SCMH1: variants seen among roughly 807,000 people sequenced by gnomAD.
SCMH1 encodes the protein polycomb protein SCMH1.
A neutral mutation model predicts 70.8 loss-of-function variants in SCMH1; 37 were observed. That is an observed-to-expected ratio of 0.52 (90% CI 0.40 to 0.69). The LOEUF is 0.69. Ranked by LOEUF, SCMH1 falls within the 30% of genes least tolerant of loss-of-function variation. SCMH1 has a pLI of 0.00. For missense variants in SCMH1, 607 were observed against 827.3 expected (o/e 0.73, Z 3.27); for synonymous variants, 292 against 307.4 (o/e 0.95, Z 0.52).
intron 8 of SCMH1, chr1:41,098,937 T>G: frequency 3.8e-6 from 1 of 262,236 alleles, no homozygotes; most frequent in Non-Finnish European, 7.4e-6. Context: ...GGGTCAGCCA[T>G]GAAGAAGATA....
chr1:41,049,720 T>C (rs890289785), intron 10 of SCMH1, among the ~76,000 whole-genome samples: 14 of 149,654 alleles, frequency 9.4e-5, no homozygotes, highest in Non-Finnish European at 1.0e-4. Context: ...TGAGCCGAGA[T>C]TGCGCCACTG....
chr1:41,119,046 T>C (rs1333301115), intron 6 of SCMH1, among the ~76,000 whole-genome samples: 1 of 152,172 alleles, frequency 6.6e-6, no homozygotes, highest in Non-Finnish European at 1.5e-5. Context: ...TATTTGAAGT[T>C]AAATAAATTG....
In SCMH1 at chr1:41,113,284, T is replaced by G; in HGVS notation, c.744A>C (p.Lys248Asn). ...AAGAGCACGTAGATGGGCCTTTACCTTTGGTGCCAGGAGGCTGCAGGTTGT... is the reference window on the plus strand; with the variant it reads ...AAGAGCACGTAGATGGGCCTTTACCGTTGGTGCCAGGAGGCTGCAGGTTGT... Residue 248 changes from lysine (K) to asparagine (N), a missense_variant and splice_region_variant, in exon 8 of 15, where the codon AAA becomes AAC. Lys to Asn is a moderately conservative substitution (Grantham distance 94). This residue lies in a region of SCMH1 where 430 missense variants were observed against 528.2 expected (regional missense o/e 0.81). Transcript: ENST00000337495. The surrounding 1 kb of genome is among the most constrained non-coding windows in gnomAD (Gnocchi z 4.3). The G allele has an allele frequency of 1.9e-6, 3 of 1,613,136 alleles. No individual in the cohort carries two copies. Among genetic ancestry groups the G allele is most frequent in the Middle Eastern group, 3.3e-4 (2 of 6,026 alleles).
chr1:41,224,077 G>T (rs562860808), intron 1 of SCMH1, among the ~76,000 whole-genome samples: 3 of 152,192 alleles, frequency 2.0e-5, no homozygotes, highest in African/African-American at 7.2e-5. Flanking sequence ...TACATATGCT[G>T]ACTCCTTCCA....
chr1:41,106,636 G>A (rs1003576768), intron 8 of SCMH1, among the ~76,000 whole-genome samples: 10 of 151,748 alleles, frequency 6.6e-5, no homozygotes, highest in African/African-American at 2.4e-4. Context: ...CCTCTGCTGT[G>A]CCTTATCTCT....
chr1:41,236,239 C>CAAT (rs1403475023), intron 1 of SCMH1, among the ~76,000 whole-genome samples: 1 of 152,046 alleles, frequency 6.6e-6, no homozygotes, highest in Non-Finnish European at 1.5e-5. Context: ...AGTAATGGTC[C>CAAT]AGATATAGTG....
At chr1:41,136,231 C>T (rs1227000580) in intron 6 of SCMH1, among the ~76,000 whole-genome samples, 1 of 152,146 alleles carries the variant, frequency 6.6e-6, no homozygotes, top group Non-Finnish European at 1.5e-5. Flanking sequence ...CAGGTGTGAG[C>T]CACCATGCCT....
chr1:41,035,108 T>C (rs1645103624), intron 13 of SCMH1, among the ~76,000 whole-genome samples: 1 of 152,222 alleles, frequency 6.6e-6, no homozygotes, highest in Non-Finnish European at 1.5e-5. Context: ...TCAGCTCTCT[T>C]GGGACGTATG....
intron 8 of SCMH1, among the ~76,000 whole-genome samples, chr1:41,078,042 A>C (rs1008897598): frequency 2.6e-5 from 4 of 152,218 alleles, no homozygotes; most frequent in Non-Finnish European, 2.9e-5. Flanking sequence ...AAAGGTAGAT[A>C]GTACCCACAG....
chr1:41,185,623 C>T (rs1649973287), intron 2 of SCMH1, among the ~76,000 whole-genome samples: 2 of 151,490 alleles, frequency 1.3e-5, no homozygotes, highest in South Asian at 2.1e-4. Context: ...CTCATGTAGC[C>T]AAATTGTTAC....
chr1:41,146,069 G>C (rs914248888), intron 5 of SCMH1, among the ~76,000 whole-genome samples: 2 of 152,104 alleles, frequency 1.3e-5, no homozygotes, highest in Non-Finnish European at 2.9e-5. Context: ...TACCATAGGA[G>C]ATTACAGCTC....
chr1:41,240,146 A>C (rs1474801556), intron 1 of SCMH1, among the ~76,000 whole-genome samples: 2 of 152,262 alleles, frequency 1.3e-5, no homozygotes, highest in Non-Finnish European at 2.9e-5. Context: ...TCAAAACTTG[A>C]CATATGTGCT....
intron 8 of SCMH1, among the ~76,000 whole-genome samples, chr1:41,089,122 A>T (rs1662583741): frequency 1.3e-5 from 2 of 152,232 alleles, no homozygotes; most frequent in South Asian, 4.1e-4. Flanking sequence ...TTCAGAACAC[A>T]ACCCTAGGAT....
intron 5 of SCMH1, among the ~76,000 whole-genome samples, chr1:41,144,353 T>C (rs1644363868): frequency 6.6e-6 from 1 of 152,224 alleles, no homozygotes; most frequent in East Asian, 1.9e-4. Context: ...TGGAATTATA[T>C]AATGTGTGGC....
chr1:41,138,866 T>C (rs74069026), intron 6 of SCMH1, among the ~76,000 whole-genome samples: 1,961 of 152,298 alleles, frequency 0.013, 41 homozygotes, highest in African/African-American at 0.045. Flanking sequence ...AAGCTTTTTA[T>C]AAATTTTCAA....
intron 7 of SCMH1, among the ~76,000 whole-genome samples, chr1:41,114,055 T>C (rs990223589): frequency 1.3e-5 from 2 of 152,222 alleles, no homozygotes; most frequent in African/African-American, 4.8e-5. Context: ...TTATTCATTC[T>C]CCTTTGGACA....
intron 1 of SCMH1, among the ~76,000 whole-genome samples, chr1:41,218,077 T>G (rs1156328024): frequency 6.6e-6 from 1 of 152,190 alleles, no homozygotes; most frequent in Non-Finnish European, 1.5e-5. Context: ...TGATTTAGAT[T>G]ATATAAAAAA....
chr1:41,146,359 T>C (rs1339331068), intron 5 of SCMH1, among the ~76,000 whole-genome samples: 1 of 152,158 alleles, frequency 6.6e-6, no homozygotes, highest in Non-Finnish European at 1.5e-5. Context: ...AACTCTTTAC[T>C]GAAGAATGAA....
intron 10 of SCMH1, among the ~76,000 whole-genome samples, chr1:41,052,917 C>CTTTTTTTTT: frequency 7.4e-6 from 1 of 134,804 alleles, no homozygotes; most frequent in Non-Finnish European, 1.6e-5. Context: ...AAATTGTAGG[C>CTTTTTTTTT]TTTTTTTTTT....
Sources: gnomAD v4.1 joint callset for allele counts (sites outside exome capture counted in the v4.1 genomes callset) on GRCh38, gnomAD v4.1.1 for gene constraint, gnomAD v4.1.1 regional missense constraint, Gnocchi (gnomAD v3.1) non-coding constraint, MANE v1.5 for transcripts, NCBI Gene and HGNC (gene_info 2026-07-23, HGNC 2026-07-21) for gene names.